The following KAZN variants were observed in gnomAD, a reference collection of about 807,000 sequenced individuals.
The protein encoded by KAZN is kazrin.
KAZN carries 40 observed loss-of-function variants against 87.4 expected under a neutral mutation model. That is an observed-to-expected ratio of 0.46 (90% CI 0.36 to 0.60). KAZN has a LOEUF of 0.60. Ranked by LOEUF, KAZN falls within the 20% of genes least tolerant of loss-of-function variation. The pLI is 0.00. For synonymous variants in KAZN, 466 were observed against 458.3 expected (o/e 1.02, Z -0.22); for missense variants, 898 against 1,073.9 (o/e 0.84, Z 2.29).
At chr1:14,172,521 C>G (rs981644869) in intron 1 of KAZN, among the ~76,000 whole-genome samples, 1 of 152,238 alleles carries the variant, frequency 6.6e-6, no homozygotes, top group Non-Finnish European at 1.5e-5. Flanking sequence ...GAACTTACAA[C>G]TTAAAATGTG....
intron 2 of KAZN, among the ~76,000 whole-genome samples, chr1:14,266,788 C>T (rs1651509120): frequency 6.6e-6 from 1 of 152,226 alleles, no homozygotes; most frequent in Middle Eastern, 3.4e-3. Context: ...GGGAGGAAAC[C>T]GGAGGATGTG....
At chr1:13,992,241 G>A (rs138715836) in intron 1 of KAZN, among the ~76,000 whole-genome samples, 179 of 152,238 alleles carry the variant, frequency 1.2e-3, no homozygotes, top group African/African-American at 4.0e-3. Flanking sequence ...AGGACAGCAC[G>A]TCACTTTATG....
chr1:14,351,320 C>T (rs771006722), intron 2 of KAZN, among the ~76,000 whole-genome samples: 3 of 152,224 alleles, frequency 2.0e-5, no homozygotes, highest in Non-Finnish European at 2.9e-5. Context: ...AATCCCAGCA[C>T]TTTGGGAGGC....
chr1:14,358,269 CCT>C (rs36052345), intron 2 of KAZN, among the ~76,000 whole-genome samples: 12,762 of 151,576 alleles, frequency 0.084, 581 homozygotes, highest in African/African-American at 0.11. Context: ...GGTGATACCC[CCT>C]GTTTCATTTC....
At chr1:14,860,223 A>T in intron 1 of KAZN, among the ~76,000 whole-genome samples, 1 of 145,630 alleles carries the variant, frequency 6.9e-6, no homozygotes, top group East Asian at 2.0e-4. Flanking sequence ...ACAGGGTCTC[A>T]CTCTGTTGCC....
chr1:14,730,848 A>G (rs1181444989), intron 1 of KAZN, among the ~76,000 whole-genome samples: 8 of 152,072 alleles, frequency 5.3e-5, no homozygotes, highest in Non-Finnish European at 7.4e-5. Context: ...GGTGGCTCTA[A>G]TCTCATCTTC....
At chr1:15,010,516 C>T (rs1021498487) in intron 2 of KAZN, among the ~76,000 whole-genome samples, 1 of 151,720 alleles carries the variant, frequency 6.6e-6, no homozygotes, top group Non-Finnish European at 1.5e-5. Flanking sequence ...TCAGCCTCCC[C>T]AGTAGCTGGG....
chr1:15,087,517 C>T (rs563028318), intron 8 of KAZN, among the ~76,000 whole-genome samples: 4 of 152,098 alleles, frequency 2.6e-5, no homozygotes, highest in South Asian at 2.1e-4. Flanking sequence ...CTCGGCCTCC[C>T]GAGTATCTGG....
chr1:14,267,387 A>G (rs1281102963), intron 2 of KAZN, among the ~76,000 whole-genome samples: 1 of 151,484 alleles, frequency 6.6e-6, no homozygotes. Flanking sequence ...AAATCACAAA[A>G]TATCTATGTT....
At chr1:14,660,541 CTTTTTTTTTTT>C (rs1156503750) in intron 1 of KAZN, among the ~76,000 whole-genome samples, 1 of 76,006 alleles carries the variant, frequency 1.3e-5, no homozygotes, top group Admixed American at 1.9e-4. Flanking sequence ...CTCTCTCTCT[CTTTTTTTTTTT>C]TTTTTTTTTT....
intron 2 of KAZN, among the ~76,000 whole-genome samples, chr1:14,278,371 A>G (rs1361184730): frequency 2.7e-5 from 4 of 148,324 alleles, no homozygotes; most frequent in African/African-American, 1.0e-4. Flanking sequence ...GCTCATTGCA[A>G]CCTCTGCCTC....
intron 1 of KAZN, among the ~76,000 whole-genome samples, chr1:14,868,670 T>A (rs1651800775): frequency 6.6e-6 from 1 of 151,780 alleles, no homozygotes; most frequent in African/African-American, 2.4e-5. Context: ...CATCTCTGCA[T>A]GTCCTTCCAG....
In KAZN at chr1:14,929,921, A is replaced by G. The variant is rs1175696120; in HGVS notation, c.227-30763A>G. Reference sequence around the variant, plus strand: ...CGTCTGCTTTTTGGATGCCTTCAAGAGAGGCCAGTTAGAGGATATCAATTG... The same window carrying G: ...CGTCTGCTTTTTGGATGCCTTCAAGGGAGGCCAGTTAGAGGATATCAATTG... On this transcript the variant is annotated intron_variant, in intron 1 of 14. Transcript: ENST00000376030. 5 of 985,346 alleles carry G rather than the reference A, an allele frequency of 5.1e-6. No homozygotes were observed. In the African/African-American group the frequency reaches 7.0e-5, roughly 14 times the overall value. The allele number at this position is 985,346 out of a possible 1,614,324, so 61.0% of individuals were successfully genotyped here. A position where few individuals can be genotyped will look rare whatever the true frequency, so the allele number is the denominator to read the frequency against.
intron 2 of KAZN, among the ~76,000 whole-genome samples, chr1:14,430,973 G>A (rs1352949550): frequency 6.6e-6 from 1 of 152,230 alleles, no homozygotes; most frequent in African/African-American, 2.4e-5. Flanking sequence ...CATGACCTCA[G>A]ACAAGCTCCA....
chr1:15,083,797 C>G (rs1280055534), intron 8 of KAZN, among the ~76,000 whole-genome samples: 2 of 152,174 alleles, frequency 1.3e-5, no homozygotes, highest in African/African-American at 4.8e-5. Context: ...CTTCCCACAC[C>G]CCACACACCA....
At chr1:15,087,314 A>C (rs555025633) in intron 8 of KAZN, among the ~76,000 whole-genome samples, 67 of 149,906 alleles carry the variant, frequency 4.5e-4, no homozygotes, top group Non-Finnish European at 6.3e-4. Flanking sequence ...ATCAATTTTT[A>C]AATGATTATG....
chr1:13,934,912 A>G (rs28505165), intron 1 of KAZN, among the ~76,000 whole-genome samples: 1 of 152,138 alleles, frequency 6.6e-6, no homozygotes, highest in Admixed American at 6.5e-5. Context: ...GTTTTTACCG[A>G]GAGATGAAAT....
At chr1:14,522,680 A>G (rs1184034833) in intron 2 of KAZN, among the ~76,000 whole-genome samples, 1 of 152,242 alleles carries the variant, frequency 6.6e-6, no homozygotes, top group East Asian at 1.9e-4. Context: ...CTACAGCAAC[A>G]CAATAGATAA....
chr1:14,870,312 C>A (rs1651996435), intron 1 of KAZN, among the ~76,000 whole-genome samples: 1 of 152,186 alleles, frequency 6.6e-6, no homozygotes, highest in Admixed American at 6.5e-5. Flanking sequence ...GGCTTAACTT[C>A]TCTGGCCCTG....
Sources: allele counts gnomAD v4.1 joint callset (sites outside exome capture counted in the v4.1 genomes callset), GRCh38; gene constraint gnomAD v4.1.1; transcripts MANE v1.5; gene names NCBI Gene and HGNC (gene_info 2026-07-23, HGNC 2026-07-21).